CSNK2A2IP: variants seen among roughly 807,000 people sequenced by gnomAD.
CSNK2A2IP encodes the protein casein kinase 2 subunit alpha' interacting protein.
At chr3:88,382,587 C>T in the CSNK2A2IP span, 3 of 152,242 alleles carry the variant, frequency 2.0e-5, no homozygotes, top group South Asian at 6.2e-4. Context: ...TCTTGCAGGC[C>T]TCCTTAGCAG....
the CSNK2A2IP span, among the ~76,000 whole-genome samples, chr3:88,438,640 T>C: frequency 1.3e-5 from 2 of 152,176 alleles, no homozygotes; most frequent in East Asian, 3.9e-4. Flanking sequence ...ACCAGGCTTC[T>C]CCACTAATTC....
chr3:88,349,382 G>A, the CSNK2A2IP span, among the ~76,000 whole-genome samples: 46 of 152,142 alleles, frequency 3.0e-4, no homozygotes, highest in Non-Finnish European at 5.7e-4. Context: ...GAGAACATAT[G>A]GCATTTGGTT....
At chr3:88,418,437 AGTGT>A in the CSNK2A2IP span, among the ~76,000 whole-genome samples, 1 of 122,064 alleles carries the variant, frequency 8.2e-6, no homozygotes, top group African/African-American at 3.2e-5. Flanking sequence ...ACTGAATGTC[AGTGT>A]GTGTGTGTGT....
the CSNK2A2IP span, among the ~76,000 whole-genome samples, chr3:88,347,383 A>G: frequency 6.6e-6 from 1 of 152,040 alleles, no homozygotes; most frequent in Non-Finnish European, 1.5e-5. Flanking sequence ...GTCTTTCATG[A>G]AATCAATGCA....
the CSNK2A2IP span, among the ~76,000 whole-genome samples, chr3:88,456,964 C>G: frequency 3.9e-5 from 6 of 151,980 alleles, no homozygotes; most frequent in Non-Finnish European, 7.4e-5. Flanking sequence ...CATTCCAACC[C>G]TTCACCCAGA....
chr3:88,353,509 C>G, the CSNK2A2IP span, among the ~76,000 whole-genome samples: 1 of 152,150 alleles, frequency 6.6e-6, no homozygotes, highest in Admixed American at 6.5e-5. Flanking sequence ...AAGAGGGAGC[C>G]TGAGTCTCTG....
At chr3:88,407,484 A>G in the CSNK2A2IP span, among the ~76,000 whole-genome samples, 3 of 152,256 alleles carry the variant, frequency 2.0e-5, no homozygotes, top group East Asian at 5.8e-4. Context: ...TTGGCGGCAT[A>G]TGTAGCGCTG....
chr3:88,369,956 G>GGA, the CSNK2A2IP span, among the ~76,000 whole-genome samples: 193 of 151,952 alleles, frequency 1.3e-3, 2 homozygotes, highest in African/African-American at 4.3e-3. Context: ...CAGACAAGGC[G>GGA]GAGGCCACCA....
At chr3:88,339,613 T>C in the CSNK2A2IP span, among the ~76,000 whole-genome samples, 1 of 152,100 alleles carries the variant, frequency 6.6e-6, no homozygotes, top group South Asian at 2.1e-4. Flanking sequence ...TCCGATGCAT[T>C]CTGTACCTAC....
At chr3:88,461,862 C>A in the CSNK2A2IP span, among the ~76,000 whole-genome samples, 2 of 151,904 alleles carry the variant, frequency 1.3e-5, no homozygotes, top group African/African-American at 4.8e-5. Context: ...ATTCCCTGGG[C>A]TCTGAGTAGC....
At chr3:88,451,098 T>A in the CSNK2A2IP span, among the ~76,000 whole-genome samples, 1 of 152,094 alleles carries the variant, frequency 6.6e-6, no homozygotes, top group Non-Finnish European at 1.5e-5. Flanking sequence ...TATTTATTAT[T>A]TATTGAAGTT....
the CSNK2A2IP span, among the ~76,000 whole-genome samples, chr3:88,415,291 G>C: frequency 6.6e-6 from 1 of 152,026 alleles, no homozygotes; most frequent in East Asian, 1.9e-4. Flanking sequence ...AGAGTATTAA[G>C]GGAAAATTTA....
the CSNK2A2IP span, among the ~76,000 whole-genome samples, chr3:88,369,726 T>C: frequency 2.6e-5 from 4 of 151,964 alleles, no homozygotes; most frequent in East Asian, 5.8e-4. Flanking sequence ...GGTGAGATAC[T>C]GGAGTTTGTC....
chr3:88,396,514 C>T, the CSNK2A2IP span, among the ~76,000 whole-genome samples: 119 of 152,262 alleles, frequency 7.8e-4, no homozygotes, highest in African/African-American at 2.7e-3. Context: ...CCGGAACAAG[C>T]ATTGACTAGG....
the CSNK2A2IP span, among the ~76,000 whole-genome samples, chr3:88,372,309 C>T: frequency 1.3e-5 from 2 of 151,238 alleles, no homozygotes; most frequent in Admixed American, 6.6e-5. Context: ...ACTGCAATTA[C>T]CTTTGCACCA....
the CSNK2A2IP span, among the ~76,000 whole-genome samples, chr3:88,395,754 G>T: frequency 2.0e-5 from 3 of 152,022 alleles, no homozygotes; most frequent in Admixed American, 2.0e-4. Flanking sequence ...TGTATAGCTC[G>T]AATTATTTAT....
the CSNK2A2IP span, among the ~76,000 whole-genome samples, chr3:88,365,287 G>A: frequency 2.6e-5 from 4 of 152,168 alleles, no homozygotes; most frequent in African/African-American, 7.2e-5. Flanking sequence ...TGAAGTGAAT[G>A]TAGTTAGAAC....
the CSNK2A2IP span, among the ~76,000 whole-genome samples, chr3:88,354,103 T>C: frequency 6.6e-6 from 1 of 152,188 alleles, no homozygotes. Context: ...GCTCTCCATC[T>C]TTCATGATGA....
the CSNK2A2IP span, among the ~76,000 whole-genome samples, chr3:88,428,879 T>C: frequency 2.6e-5 from 4 of 151,956 alleles, no homozygotes; most frequent in Non-Finnish European, 5.9e-5. Context: ...AATTGACTAA[T>C]GATATCTACA....
Sources: gnomAD v4.1 joint callset for allele counts (sites outside exome capture counted in the v4.1 genomes callset) on GRCh38, gnomAD v4.1.1 for gene constraint, MANE v1.5 for transcripts, NCBI Gene and HGNC (gene_info 2026-07-23, HGNC 2026-07-21) for gene names.